The following PUS7L variants were observed in gnomAD, a reference collection of about 807,000 sequenced individuals.
PUS7L encodes pseudouridylate synthase PUS7L.
In PUS7L, 49 loss-of-function variants were observed where a neutral mutation model predicts 51.1. That is an observed-to-expected ratio of 0.96 (90% CI 0.76 to 1.22). The LOEUF (loss-of-function observed/expected upper bound fraction) is 1.22. Among genes scored for constraint, PUS7L ranks in the 50% most tolerant of loss-of-function variants. The probability of loss-of-function intolerance (pLI) is 0.00; values close to 1 mark genes in which losing one functional copy is unlikely to be tolerated. For missense variants in PUS7L, 828 were observed against 820.6 expected, an observed-to-expected ratio of 1.01 and a Z score of -0.11; for synonymous variants, 277 against 276.2, an observed-to-expected ratio of 1.00 and a Z score of -0.03.
chr12:43,735,938 G>A (rs1944678053), intron 7 of PUS7L, among the ~76,000 whole-genome samples: 1 of 151,972 alleles, frequency 6.6e-6, no homozygotes, highest in Non-Finnish European at 1.5e-5. Flanking sequence ...TACCACACCT[G>A]GCTAATTTTT....
intron 7 of PUS7L, 37 bp downstream of exon 7, chr12:43,736,344 A>G: frequency 6.3e-7 from 1 of 1,578,882 alleles, no homozygotes; most frequent in Non-Finnish European, 8.7e-7. Flanking sequence ...CTGGTATAGT[A>G]ACTACTCTTG....
Position 43,755,276 on chromosome 12 carries a change from AAAGAGGTGGTTAGT to A in PUS7L, c.-16-29_-16-16del. ...TATAACAGTGCCTAGAAAACAAAAC[AAAGAGGTGGTTAGT>A]TAACAGAAAGAGAAGTTATGGATGA... On this transcript the variant is annotated splice_polypyrimidine_tract_variant and intron_variant, in intron 1 of 8. Transcript: ENST00000344862. The A allele has an allele frequency of 6.7e-7, 1 of 1,481,566 alleles. No individual in the cohort carries two copies. Among genetic ancestry groups the A allele is most frequent in the Non-Finnish European group, 9.1e-7 (1 of 1,099,202 alleles). The allele number at this position is 1,481,566 out of a possible 1,614,324, so 91.8% of individuals were successfully genotyped here.
intron 5 of PUS7L, among the ~76,000 whole-genome samples, chr12:43,741,420 GCTTGGAAAAGTTAAGCAA>G (rs1156946928): frequency 6.6e-6 from 1 of 152,176 alleles, no homozygotes; most frequent in East Asian, 1.9e-4. Flanking sequence ...GGAAACTGAG[GCTTGGAAAAGTTAAGCAA>G]CTTGGAAAAG....
intron 4 of PUS7L, 32 bp from the exon 5 acceptor site, chr12:43,742,587 G>A (rs1400277068): frequency 1.3e-6 from 2 of 1,517,232 alleles, no homozygotes; most frequent in Non-Finnish European, 1.8e-6. Flanking sequence ...CAAATTAAGA[G>A]TATATAAATA....
intron 2 of PUS7L, among the ~76,000 whole-genome samples, chr12:43,753,731 G>A (rs570534422): frequency 1.3e-5 from 2 of 152,206 alleles, no homozygotes; most frequent in East Asian, 3.9e-4. Flanking sequence ...AAAAAACACT[G>A]CCTGGAAATC....
chr12:43,756,127 T>C (rs955514796), intron 1 of PUS7L, among the ~76,000 whole-genome samples: 1 of 152,234 alleles, frequency 6.6e-6, no homozygotes, highest in African/African-American at 2.4e-5. Flanking sequence ...TCTACTAATC[T>C]GAACCAATTT....
At chr12:43,751,558 T>C (rs1938446707) in intron 2 of PUS7L, among the ~76,000 whole-genome samples, 2 of 152,326 alleles carry the variant, frequency 1.3e-5, no homozygotes, top group South Asian at 2.1e-4. Flanking sequence ...TAGTATTCCA[T>C]GGTGTGTATG....
intron 2 of PUS7L, among the ~76,000 whole-genome samples, chr12:43,752,445 A>C (rs10880565): frequency 0.2 from 30,389 of 152,160 alleles, 4,352 homozygotes; most frequent in African/African-American, 0.41. Flanking sequence ...CTGAATGCTT[A>C]CAAAGTAAAT....
chr12:43,757,011 A>G lies in PUS7L; in HGVS notation c.-17+1719T>C, dbSNP rs139437557. Among the ~76,000 whole-genome samples the G allele has an allele frequency of 5.4e-4, 82 of 152,212 alleles. 1 individual carries two copies. The East Asian group carries it at 0.014, about 26-fold the overall frequency. ...CCAAACTCATTTGTACCTTTACCCC[A>G]TTACCCACTATACTCCAGCTACTCT... On this transcript the variant is annotated intron_variant, in intron 1 of 8. Coordinates refer to ENST00000344862, the MANE Select transcript of PUS7L (RefSeq NM_031292.5).
At chr12:43,747,118 G>A (rs894215178) in intron 3 of PUS7L, among the ~76,000 whole-genome samples, 8 of 152,120 alleles carry the variant, frequency 5.3e-5, no homozygotes, top group Non-Finnish European at 8.8e-5. Flanking sequence ...TTAATATATC[G>A]ATATTACGTT....
rs140992672 is a variant in PUS7L, at chr12:43,721,676, T to C, written c.*8700A>G. On this transcript the variant is annotated 3_prime_UTR_variant, in exon 9 of 9. Coordinates refer to ENST00000344862, the MANE Select transcript of PUS7L (RefSeq NM_031292.5). ...TGAGCCATGAGATGGTAGAGAACTA[T>C]ACAAAAGGCTATGAGAACACAGATT... is the stretch of plus-strand genomic sequence containing the variant. The C allele has an allele frequency of 3.3e-5, 5 of 152,260 alleles. No individual in the cohort carries two copies. Among genetic ancestry groups the C allele is most frequent in the African/African-American group, 7.2e-5 (3 of 41,546 alleles). The allele number at this position is 152,260 out of a possible 1,614,324, so 9.4% of individuals were successfully genotyped here. A position where few individuals can be genotyped will look rare whatever the true frequency, so the allele number is the denominator to read the frequency against.
chr12:43,730,092 A>G lies in PUS7L; in HGVS notation c.*284T>C. On this transcript the variant is annotated 3_prime_UTR_variant, in exon 9 of 9. Transcript: ENST00000344862. ...TCTTGCAGTATTATATATATTCCTA[A>G]TGGTTTTAAAAGATTGTAACTTTAT... 1 of 327,514 alleles carries G rather than the reference A, an allele frequency of 3.1e-6. No homozygotes were observed. Among genetic ancestry groups the G allele is most frequent in the South Asian group, 7.0e-5 (1 of 14,382 alleles). The allele number at this position is 327,514 out of a possible 1,614,324, so 20.3% of individuals were successfully genotyped here.
chr12:43,730,411 C>T lies in PUS7L; in HGVS notation c.2071G>A (p.Val691Ile), dbSNP rs566187349. ...FDLDASCYATVCLKEIMKHDV is the reference protein window; with the variant it reads ...FDLDASCYATICLKEIMKHDV ...TGCTTCATTATTTCCTTCAGACAAACGGTAGCATAGCATGAAGCATCAAGA... is the reference window on the plus strand; with the variant it reads ...TGCTTCATTATTTCCTTCAGACAAATGGTAGCATAGCATGAAGCATCAAGA... Residue 691 changes from valine (V) to isoleucine (I), a missense_variant, in exon 9 of 9, where the codon GTT (valine) becomes ATT (isoleucine). Physicochemically the swap from Val to Ile is conservative, Grantham distance 29 (BLOSUM62 3). Transcript: ENST00000344862. 5.8e-5 allele frequency: 93 copies of T among 1,613,548 alleles called. No individual in the cohort carries two copies. In the South Asian group the frequency reaches 6.3e-4, roughly 11 times the overall value.
In PUS7L at chr12:43,755,294, CAGAA is replaced by C. The variant is rs761901489; in HGVS notation, c.-16-37_-16-34del. 7.3e-6 allele frequency: 10 copies of C among 1,377,880 alleles called. No individual in the cohort carries two copies. In the South Asian group the frequency reaches 1.3e-4, roughly 18 times the overall value. The allele number at this position is 1,377,880 out of a possible 1,614,324, so 85.4% of individuals were successfully genotyped here. A position where few individuals can be genotyped will look rare whatever the true frequency, so the allele number is the denominator to read the frequency against. On this transcript the variant is annotated intron_variant, in intron 1 of 8. Coordinates refer to ENST00000344862, the MANE Select transcript of PUS7L (RefSeq NM_031292.5). ...ACAAAACAAAGAGGTGGTTAGTTAA[CAGAA>C]AGAGAAGTTATGGATGACCAAATAG...
In PUS7L at chr12:43,724,176, C is replaced by T. The variant is rs941947588; in HGVS notation, c.*6200G>A. ...TAGAGTTTCATTTTCTTTTTGTTCTCTTAAAGATTACTCCCAGGTAGAAAA... is the reference window on the plus strand; with the variant it reads ...TAGAGTTTCATTTTCTTTTTGTTCTTTTAAAGATTACTCCCAGGTAGAAAA... On this transcript the variant is annotated 3_prime_UTR_variant, in exon 9 of 9. Transcript: ENST00000344862. The T allele has an allele frequency of 6.6e-6, 1 of 151,754 alleles. No individual in the cohort carries two copies. The highest frequency in any genetic ancestry group is 1.5e-5 in the Non-Finnish European group (1 of 67,866). The allele number at this position is 151,754 out of a possible 1,614,324, so 9.4% of individuals were successfully genotyped here. A position where few individuals can be genotyped will look rare whatever the true frequency, so the allele number is the denominator to read the frequency against.
chr12:43,754,669 T>C lies in PUS7L; in HGVS notation c.577A>G (p.Ser193Gly), dbSNP rs1366811800. The C allele has an allele frequency of 6.2e-7, 1 of 1,613,782 alleles. No individual in the cohort carries two copies. Among genetic ancestry groups the C allele is most frequent in the Admixed American group, 1.7e-5 (1 of 60,004 alleles). ...AGATTTGGTTTTACAACAATTTCAC[T>C]GTTTTTTCCTACAGTTACTAAAAAT... The part of the protein sequence containing the change: ...FPFLVTVGKN[S>G]EIVVKPNLEY... Residue 193 changes from serine to glycine, a missense_variant, in exon 2 of 9, where the codon AGT (serine) becomes GGT (glycine). Physicochemically the swap from Ser to Gly is moderately conservative, Grantham distance 56. Coordinates refer to ENST00000344862, the MANE Select transcript of PUS7L (RefSeq NM_031292.5).
chr12:43,757,515 G>GT (rs1185938701), intron 1 of PUS7L, among the ~76,000 whole-genome samples: 3 of 150,538 alleles, frequency 2.0e-5, no homozygotes, highest in African/African-American at 2.4e-5. Context: ...CTGCATAGCA[G>GT]TTCTAGGTAA....
At chr12:43,751,957 G>T (rs1211453376) in intron 2 of PUS7L, among the ~76,000 whole-genome samples, 3 of 152,202 alleles carry the variant, frequency 2.0e-5, no homozygotes, top group Admixed American at 6.5e-5. Context: ...GGCCAGTGAT[G>T]ATGAGCATTT....
chr12:43,734,482 G>A (rs1414037054), intron 7 of PUS7L, among the ~76,000 whole-genome samples: 1 of 152,202 alleles, frequency 6.6e-6, no homozygotes, highest in South Asian at 2.1e-4. Flanking sequence ...TTAAATTACT[G>A]TGGGTTTGAG....
Sources: gnomAD v4.1 joint callset for allele counts (sites outside exome capture counted in the v4.1 genomes callset) on GRCh38, gnomAD v4.1.1 for gene constraint, MANE v1.5 for transcripts, NCBI Gene and HGNC (gene_info 2026-07-23, HGNC 2026-07-21) for gene names.